MMP28: variants seen among roughly 807,000 people sequenced by gnomAD.
MMP28 encodes matrix metallopeptidase 28, also known as matrix metalloproteinase-28.
A neutral mutation model predicts 60.5 loss-of-function variants in MMP28; 55 were observed. The observed-to-expected ratio is 0.91, with a 90% CI of 0.73 to 1.14. The LOEUF (loss-of-function observed/expected upper bound fraction) is 1.14, where lower values mean the gene tolerates loss of function less well. MMP28 is among the 50% of genes most tolerant of loss of function. MMP28 has a pLI of 0.00. For missense variants in MMP28, 686 were observed against 738.3 expected (o/e 0.93, Z 0.82); for synonymous variants, 318 against 312.5 (o/e 1.02, Z -0.18).
At chr17:35,792,093 T>C (rs1014118612) in intron 1 of MMP28, among the ~76,000 whole-genome samples, 1 of 152,068 alleles carries the variant, frequency 6.6e-6, no homozygotes, top group African/African-American at 2.4e-5. Flanking sequence ...TTTCTGGGTT[T>C]TCCTTCTGTG....
At position 35,770,263 on chromosome 17, in the gene MMP28, G is replaced by T; in HGVS notation, c.654C>A (p.Phe218Leu). The T allele has an allele frequency of 6.3e-7, 1 of 1,578,594 alleles. No individual in the cohort carries two copies. Among genetic ancestry groups the T allele is most frequent in the Non-Finnish European group, 8.5e-7 (1 of 1,169,696 alleles). The change falls in exon 5 of 8, where the codon TTC becomes TTA. Residue 218 changes from phenylalanine to leucine, a missense_variant. Transcript: ENST00000605424. ...AFLPRRGEAHFDQDERWSLSR... is the reference protein window; with the variant it reads ...AFLPRRGEAHLDQDERWSLSR... ...TCAGGGACCAGCGCTCATCTTGGTCGAAGTGCGCTTCGCCGCGGCGGGGCA... is the reference window on the plus strand; with the variant it reads ...TCAGGGACCAGCGCTCATCTTGGTCTAAGTGCGCTTCGCCGCGGCGGGGCA...
chr17:35,793,072 T>TAC (rs920865331), intron 1 of MMP28, among the ~76,000 whole-genome samples: 18 of 152,308 alleles, frequency 1.2e-4, no homozygotes, highest in East Asian at 7.7e-4. Context: ...TATGTATATA[T>TAC]ACACACACAC....
intron 1 of MMP28, among the ~76,000 whole-genome samples, chr17:35,781,570 A>C (rs1200901542): frequency 6.6e-6 from 1 of 152,182 alleles, no homozygotes; most frequent in Non-Finnish European, 1.5e-5. Flanking sequence ...AGGCCAGTGG[A>C]GAGAAAAGTG....
intron 1 of MMP28, among the ~76,000 whole-genome samples, chr17:35,791,715 C>T (rs1311112339): frequency 6.6e-6 from 1 of 152,072 alleles, no homozygotes; most frequent in Non-Finnish European, 1.5e-5. Context: ...GAGTTTTTTC[C>T]ATTTTGGCTG....
At chr17:35,789,518 T>C (rs1375347339) in intron 1 of MMP28, among the ~76,000 whole-genome samples, 2 of 152,038 alleles carry the variant, frequency 1.3e-5, no homozygotes, top group Non-Finnish European at 2.9e-5. Context: ...TTTCTTACTA[T>C]AGGAATTTAA....
chr17:35,764,623 C>T (rs2085899172), downstream of MMP28: 1 of 1,573,952 alleles, frequency 6.4e-7, no homozygotes, highest in Admixed American at 1.9e-5. Flanking sequence ...TCCTGAGCGC[C>T]CCCGCTCCCA....
At chr17:35,763,377 G>C (rs1203777773), downstream of MMP28, among the ~76,000 whole-genome samples, 35 of 150,752 alleles carry the variant, frequency 2.3e-4, no homozygotes, top group African/African-American at 8.3e-4. Context: ...CCCTAGCTCA[G>C]CTTCCTCTCA....
chr17:35,792,538 G>C (rs374577695), intron 1 of MMP28, among the ~76,000 whole-genome samples: 3 of 152,238 alleles, frequency 2.0e-5, no homozygotes, highest in South Asian at 4.1e-4. Flanking sequence ...TCGACTCACA[G>C]TTATCTGTGA....
rs751024631 is a variant in MMP28 at position 35,770,087 on chromosome 17, A to G, written c.830T>C (p.Leu277Pro). The change falls in exon 5 of 8, where the codon CTG (leucine) becomes CCG (proline). Residue 277 changes from leucine (L) to proline (P), a missense_variant. Transcript: ENST00000605424. Reference sequence around the variant, plus strand: ...CTCACCATACAGGCTCTGCACGGCCAGCACGTCGTCCCAGCTGAGCAGCGC... The same window carrying G: ...CTCACCATACAGGCTCTGCACGGCCGGCACGTCGTCCCAGCTGAGCAGCGC... ...RDALLSWDDV[L>P]AVQSLYGKPL... The G allele has an allele frequency of 2.5e-6, 4 of 1,591,914 alleles. No individual in the cohort carries two copies. Among genetic ancestry groups the G allele is most frequent in the Non-Finnish European group, 3.4e-6 (4 of 1,169,926 alleles).
intron 1 of MMP28, among the ~76,000 whole-genome samples, chr17:35,780,025 G>A (rs2086452656): frequency 6.6e-6 from 1 of 152,086 alleles, no homozygotes; most frequent in East Asian, 1.9e-4. Context: ...TAAAAAAACA[G>A]TTATCTTCCC....
intron 4 of MMP28, among the ~76,000 whole-genome samples, chr17:35,771,080 A>G (rs563461073): frequency 3.0e-4 from 45 of 151,756 alleles, no homozygotes; most frequent in African/African-American, 1.1e-3. Flanking sequence ...ACCACGAAAC[A>G]ACAACAACAA....
chr17:35,764,264 G>A (rs781885065), downstream of MMP28: 495 of 1,538,264 alleles, frequency 3.2e-4, no homozygotes, highest in Non-Finnish European at 4.1e-4. Flanking sequence ...CGCGGACAGC[G>A]GCTTCTGGGG....
intron 1 of MMP28, among the ~76,000 whole-genome samples, chr17:35,790,663 T>C (rs2086787515): frequency 6.6e-6 from 1 of 151,342 alleles, no homozygotes; most frequent in African/African-American, 2.4e-5. Context: ...ATATGAAATG[T>C]CCAGGATATC....
intron 1 of MMP28, among the ~76,000 whole-genome samples, chr17:35,789,435 G>A (rs1339504674): frequency 1.3e-5 from 2 of 152,172 alleles, no homozygotes; most frequent in Admixed American, 6.5e-5. Context: ...TTCCTGTGCC[G>A]TTTTGGTTTA....
intron 2 of MMP28, among the ~76,000 whole-genome samples, chr17:35,760,718 C>A (rs2085800868): frequency 6.6e-6 from 1 of 152,172 alleles, no homozygotes; most frequent in East Asian, 1.9e-4. Context: ...CCCTTTAATG[C>A]CTTCCTAAGA....
At chr17:35,767,665 C>T in intron 7 of MMP28, 87 bp downstream of exon 7, 1 of 1,468,714 alleles carries the variant, frequency 6.8e-7, no homozygotes, top group Non-Finnish European at 9.2e-7. Flanking sequence ...GTGTGAGAGT[C>T]TTCCCCTCTT....
chr17:35,757,565 C>T (rs2085753946), intron 2 of MMP28: 2 of 152,164 alleles, frequency 1.3e-5, no homozygotes, highest in African/African-American at 2.4e-5. Context: ...GAGCCCTTTA[C>T]TAAGTAAATT....
In MMP28 at chr17:35,767,909, C is replaced by A; in HGVS notation, c.1011G>T (p.Gln337His). The A allele has an allele frequency of 6.3e-7, 1 of 1,585,192 alleles. No individual in the cohort carries two copies. The highest frequency in any genetic ancestry group is 8.6e-7 in the Non-Finnish European group (1 of 1,165,262). Reference sequence around the variant, plus strand: ...GGCTCCCTTTAAAAATGTACAGTTGCTGTTGCCTGTCTGCCCAGAGACAAG... The same window carrying A: ...GGCTCCCTTTAAAAATGTACAGTTGATGTTGCCTGTCTGCCCAGAGACAAG... ...SFDAITVDRQ[Q>H]QLYIFKGSHF... is the part of the protein sequence containing the mutation. The change falls in exon 7 of 8, where the codon CAG (glutamine) becomes CAT (histidine). Residue 337 changes from glutamine (Q) to histidine (H), a missense_variant. Gln to His is a conservative substitution (Grantham distance 24). Coordinates refer to ENST00000605424, the MANE Select transcript of MMP28 (RefSeq NM_024302.5).
chr17:35,792,661 A>G (rs753921559), intron 1 of MMP28, among the ~76,000 whole-genome samples: 15 of 152,218 alleles, frequency 9.9e-5, no homozygotes, highest in Non-Finnish European at 1.8e-4. Flanking sequence ...CTGTTGTCCA[A>G]TGCTGAAAAT....
Sources: gnomAD v4.1 joint callset for allele counts (sites outside exome capture counted in the v4.1 genomes callset) on GRCh38, gnomAD v4.1.1 for gene constraint, MANE v1.5 for transcripts, NCBI Gene and HGNC (gene_info 2026-07-23, HGNC 2026-07-21) for gene names.